The following SEMA5A variants were observed in gnomAD, a reference collection of about 807,000 sequenced individuals.
SEMA5A encodes the protein semaphorin-5A.
Under a neutral mutation model 135.5 loss-of-function variants are expected in SEMA5A, and 55 were observed. That is an observed-to-expected ratio of 0.41 (90% CI 0.33 to 0.51). SEMA5A has a LOEUF of 0.51. Among genes scored for constraint, SEMA5A ranks in the 20% least tolerant of loss-of-function variants. The pLI is 0.37. For missense variants in SEMA5A, 1,290 were observed against 1,419.9 expected (o/e 0.91, Z 1.47); for synonymous variants, 580 against 546.5 (o/e 1.06, Z -0.85).
At chr5:9,182,783 T>C (rs192840262) in intron 11 of SEMA5A, among the ~76,000 whole-genome samples, 64 of 151,834 alleles carry the variant, frequency 4.2e-4, no homozygotes, top group African/African-American at 1.5e-3. Context: ...TAGAAAGAAA[T>C]TGTACCCCAA....
Position 9,380,021 on chromosome 5 carries a change from T to G in SEMA5A, c.-75A>C. ...TCTTCTTCTCCTCATGTGTGGAAAGTGCCTAAAACACACAAAAGAGAAGAA... is the reference window on the plus strand; with the variant it reads ...TCTTCTTCTCCTCATGTGTGGAAAGGGCCTAAAACACACAAAAGAGAAGAA... On this transcript the variant is annotated splice_region_variant and 5_prime_UTR_variant, in exon 3 of 23. Transcript: ENST00000382496. The G allele has an allele frequency of 2.0e-6, 3 of 1,507,570 alleles. No homozygotes were observed. Among genetic ancestry groups the G allele is most frequent in the Non-Finnish European group, 2.7e-6 (3 of 1,124,178 alleles). The allele number at this position is 1,507,570 out of a possible 1,614,324, so 93.4% of individuals were successfully genotyped here.
chr5:9,458,927 G>A (rs944475990), intron 1 of SEMA5A, among the ~76,000 whole-genome samples: 3 of 152,170 alleles, frequency 2.0e-5, no homozygotes, highest in Non-Finnish European at 2.9e-5. Context: ...GCTTCAGTTA[G>A]AATAAGGTAA....
chr5:9,093,060 A>G, intron 16 of SEMA5A, among the ~76,000 whole-genome samples: 1 of 152,202 alleles, frequency 6.6e-6, no homozygotes, highest in Admixed American at 6.5e-5. Context: ...AGTTTATATA[A>G]CTTATTTTGA....
rs148118907 is a variant in SEMA5A, at chr5:9,293,721, G to T, written c.270+24651C>A. 2.4e-3 allele frequency among the ~76,000 whole-genome samples: 363 copies of T among 152,166 alleles called. 1 individual carries two copies. The highest frequency in any genetic ancestry group is 3.8e-3 in the Non-Finnish European group (261 of 68,012). On this transcript the variant is annotated intron_variant, in intron 5 of 22. Transcript: ENST00000382496. ...GCTTATTTACATCAATTATTGATCT[G>T]CCATATGTCTAATTTAGCCCTATGT...
In SEMA5A at chr5:9,237,838, C is replaced by A; in HGVS notation, c.323G>T (p.Gly108Val). The A allele has an allele frequency of 6.2e-7, 1 of 1,613,536 alleles. No homozygotes were observed. The highest frequency in any genetic ancestry group is 8.5e-7 in the Non-Finnish European group (1 of 1,179,608). Residue 108 changes from glycine to valine, a missense_variant, in exon 6 of 23, where the codon GGC becomes GTC. Physicochemically the swap from Gly to Val is moderately radical, Grantham distance 109. Around this residue, in one of 3 missense-constraint regions of SEMA5A, gnomAD observed 145 missense variants for 212.0 expected, o/e 0.68. Coordinates refer to ENST00000382496, the MANE Select transcript of SEMA5A (RefSeq NM_003966.3). ...TTGCATTCTTCTTACCTTTGATTTG[C>A]CTTTGCTGTAACAGGCCTTTTTGGT... ...EATKKACYSK[G>V]KSKEECQNYI...
chr5:9,357,613 GC>G (rs1198527060), intron 3 of SEMA5A, among the ~76,000 whole-genome samples: 6 of 152,084 alleles, frequency 3.9e-5, no homozygotes, highest in Admixed American at 1.3e-4. Flanking sequence ...ATAGACATAA[GC>G]CTTTTTGCAA....
At chr5:9,488,646 T>C (rs985195053) in intron 1 of SEMA5A, among the ~76,000 whole-genome samples, 2 of 152,174 alleles carry the variant, frequency 1.3e-5, no homozygotes, top group Non-Finnish European at 2.9e-5. Flanking sequence ...CCTACACTGA[T>C]GCGGCCTATG....
intron 1 of SEMA5A, among the ~76,000 whole-genome samples, chr5:9,445,467 A>G (rs922511299): frequency 2.0e-5 from 3 of 152,134 alleles, no homozygotes; most frequent in African/African-American, 7.2e-5. Context: ...CAGGAGATTG[A>G]GACCATCCTG....
At chr5:9,524,088 A>C (rs752842611) in intron 1 of SEMA5A, among the ~76,000 whole-genome samples, 1 of 152,092 alleles carries the variant, frequency 6.6e-6, no homozygotes, top group Non-Finnish European at 1.5e-5. Flanking sequence ...CCCCTAGTGC[A>C]GTGTTGTGAT....
chr5:9,313,236 C>A (rs1752225015), intron 5 of SEMA5A, among the ~76,000 whole-genome samples: 1 of 152,058 alleles, frequency 6.6e-6, no homozygotes, highest in Non-Finnish European at 1.5e-5. Flanking sequence ...AATTGTAAAA[C>A]AGTATTGAGA....
At chr5:9,232,689 T>G (rs1285612020) in intron 6 of SEMA5A, among the ~76,000 whole-genome samples, 2 of 152,188 alleles carry the variant, frequency 1.3e-5, no homozygotes, top group Admixed American at 6.5e-5. Flanking sequence ...ACATACTCTA[T>G]TTTCAACTGA....
chr5:9,536,271 T>C (rs1350567470), intron 1 of SEMA5A, among the ~76,000 whole-genome samples: 1 of 151,968 alleles, frequency 6.6e-6, no homozygotes, highest in Non-Finnish European at 1.5e-5. Flanking sequence ...ATTCCTCTGA[T>C]AGATGGGGGA....
At chr5:9,330,389 C>CAA (rs10564647) in intron 4 of SEMA5A, among the ~76,000 whole-genome samples, 3 of 106,972 alleles carry the variant, frequency 2.8e-5, no homozygotes, top group Non-Finnish European at 2.2e-5. Flanking sequence ...GACTCTGTCT[C>CAA]AAAAAAAAAA....
intron 2 of SEMA5A, among the ~76,000 whole-genome samples, chr5:9,430,496 C>T (rs1195042646): frequency 6.6e-6 from 1 of 152,100 alleles, no homozygotes; most frequent in African/African-American, 2.4e-5. Context: ...AGACACTGAA[C>T]CTTATGGGAC....
At chr5:9,278,461 C>A (rs1045160731) in intron 5 of SEMA5A, among the ~76,000 whole-genome samples, 3 of 152,152 alleles carry the variant, frequency 2.0e-5, no homozygotes, top group African/African-American at 7.2e-5. Flanking sequence ...AAAAGAAAAA[C>A]CCATTTTCTG....
chr5:9,469,070 A>G (rs975387649), intron 1 of SEMA5A, among the ~76,000 whole-genome samples: 1 of 152,084 alleles, frequency 6.6e-6, no homozygotes, highest in African/African-American at 2.4e-5. Context: ...GAGCAGTGGC[A>G]CAATCTCGGC....
At chr5:9,054,433 A>C (rs1736776517) in intron 18 of SEMA5A, among the ~76,000 whole-genome samples, 176 bp from the exon 19 acceptor site, 1 of 152,222 alleles carries the variant, frequency 6.6e-6, no homozygotes, top group East Asian at 1.9e-4. Flanking sequence ...GACCCCTCGC[A>C]GGGCTGCATT....
intron 11 of SEMA5A, among the ~76,000 whole-genome samples, chr5:9,170,289 C>T (rs761925321): frequency 1.3e-5 from 2 of 152,062 alleles, no homozygotes; most frequent in Non-Finnish European, 2.9e-5. Context: ...CTTTGATACC[C>T]AATACAATTC....
chr5:9,529,232 C>T (rs1314680417), intron 1 of SEMA5A, among the ~76,000 whole-genome samples: 2 of 152,236 alleles, frequency 1.3e-5, no homozygotes, highest in Non-Finnish European at 2.9e-5. Context: ...AAGGGCTACC[C>T]ACCTGCACCT....
Sources: gnomAD v4.1 joint callset for allele counts (sites outside exome capture counted in the v4.1 genomes callset) on GRCh38, gnomAD v4.1.1 for gene constraint, gnomAD v4.1.1 regional missense constraint, MANE v1.5 for transcripts, NCBI Gene and HGNC (gene_info 2026-07-23, HGNC 2026-07-21) for gene names.